The following PDPR variants were observed in gnomAD, a reference collection of about 807,000 sequenced individuals.
PDPR encodes the protein pyruvate dehydrogenase phosphatase regulatory subunit, also known as pyruvate dehydrogenase phosphatase regulatory subunit, mitochondrial.
A neutral mutation model predicts 102.2 loss-of-function variants in PDPR; 50 were observed. That is an observed-to-expected ratio of 0.49 (90% confidence interval 0.39 to 0.62). PDPR has a LOEUF of 0.62. PDPR is among the 20% of genes least tolerant of loss of function. The pLI is 0.00. For missense variants in PDPR, 625 were observed against 1,098.2 expected (o/e 0.57, Z 6.09); for synonymous variants, 259 against 406.0 (o/e 0.64, Z 4.35).
Position 70,130,454 on chromosome 16 carries a change from T to C in PDPR, c.639T>C (p.Leu213=). 1 of 1,613,814 alleles carries C rather than the reference T, an allele frequency of 6.2e-7. No homozygotes were observed. The highest frequency in any genetic ancestry group is 1.1e-5 in the South Asian group (1 of 91,048). The change falls in exon 7 of 19, where the codon CTT becomes CTC. Residue 213 remains leucine, a synonymous_variant. Coordinates refer to ENST00000288050, the MANE Select transcript of PDPR (RefSeq NM_017990.5). ...AGATCTATGACCGGACATCTGTTCT[T>C]CATGTAATGGTCAAAAAAGGTCAAG... ...GVQIYDRTSV[L]HVMVKKGQVT... is the part of the protein sequence containing the mutation.
intron 18 of PDPR, among the ~76,000 whole-genome samples, chr16:70,155,047 C>G (rs1307179458): frequency 1.3e-5 from 2 of 152,170 alleles, no homozygotes; most frequent in East Asian, 2.0e-4. Context: ...TAAAAATTAG[C>G]TGGGCATGGT....
At chr16:70,121,607 G>A (rs372597686) in intron 3 of PDPR, among the ~76,000 whole-genome samples, 29 of 152,100 alleles carry the variant, frequency 1.9e-4, no homozygotes, top group African/African-American at 6.3e-4. Flanking sequence ...CAGGAGAATC[G>A]CTTGAATCCG....
intron 2 of PDPR, among the ~76,000 whole-genome samples, chr16:70,116,932 G>A (rs559002340): frequency 6.6e-6 from 1 of 151,844 alleles, no homozygotes; most frequent in African/African-American, 2.4e-5. Context: ...TTAGGGGAAT[G>A]TGCTTAATGG....
rs59176444 is a variant in PDPR, at chr16:70,135,236, C to CTTTTTT, written c.998-948_998-943dup. ...CAGCTATTCCAATGCAGAACATTGC[C>CTTTTTT]TTTTTTTTTTTTTTTCCTGAGATGG... On this transcript the variant is annotated intron_variant, in intron 9 of 18. Coordinates refer to ENST00000288050, the MANE Select transcript of PDPR (RefSeq NM_017990.5). Among the ~76,000 whole-genome samples, 838 of 143,874 alleles carry CTTTTTT rather than the reference C, an allele frequency of 5.8e-3. 1 individual carries two copies. Among genetic ancestry groups the CTTTTTT allele is most frequent in the African/African-American group, 0.02 (787 of 38,528 alleles). 94.4% of individuals were successfully genotyped at this position (143,874 alleles called of 152,430 possible).
intron 9 of PDPR, among the ~76,000 whole-genome samples, 179 bp downstream of exon 9, chr16:70,132,479 G>C (rs1964636163): frequency 6.6e-6 from 1 of 152,250 alleles, no homozygotes. Flanking sequence ...AGCAGATTCA[G>C]GGGACTAAAA....
chr16:70,149,848 TGGC>T (rs1966566286), intron 17 of PDPR, among the ~76,000 whole-genome samples: 1 of 152,246 alleles, frequency 6.6e-6, no homozygotes, highest in Non-Finnish European at 1.5e-5. Context: ...TGGAGTGCAG[TGGC>T]GCAATCTCGG....
rs1158906963 is a variant in PDPR, at chr16:70,160,452, T to TCAC, written c.*3574_*3576dup. The TCAC allele has an allele frequency of 6.5e-6, 1 of 152,876 alleles. No individual in the cohort carries two copies. The highest frequency in any genetic ancestry group is 1.5e-5 in the Non-Finnish European group (1 of 68,558). 9.5% of individuals were successfully genotyped at this position (152,876 alleles called of 1,614,324 possible). On this transcript the variant is annotated 3_prime_UTR_variant, in exon 19 of 19. Transcript: ENST00000288050. ...AACTGCACAGTGACCACTGTATTTT[T>TCAC]CACGCTCTTCCAGGGATCCCTGTCC...
At chr16:70,122,868 C>CACACACACACACACA (rs1555520799) in intron 3 of PDPR, among the ~76,000 whole-genome samples, 8 of 149,794 alleles carry the variant, frequency 5.3e-5, no homozygotes, top group African/African-American at 7.5e-5. Context: ...CACACACACA[C>CACACACACACACACA]CAGTTTAGAC....
rs1329781039 is a variant in PDPR, at chr16:70,158,972, C to T, written c.*2093C>T. 2.6e-5 allele frequency: 4 copies of T among 152,344 alleles called. No individual in the cohort carries two copies. In the East Asian group the frequency reaches 7.7e-4, roughly 29 times the overall value. The allele number at this position is 152,344 out of a possible 1,614,324, so 9.4% of individuals were successfully genotyped here. A position where few individuals can be genotyped will look rare whatever the true frequency, so the allele number is the denominator to read the frequency against. ...CATAACTCTTCAACCTTAACTATGG[C>T]AATACATTTGTGCTTTAACTGTTAC... On this transcript the variant is annotated 3_prime_UTR_variant, in exon 19 of 19. Coordinates refer to ENST00000288050, the MANE Select transcript of PDPR (RefSeq NM_017990.5).
chr16:70,148,407 C>G, intron 16 of PDPR, 57 bp from the exon 17 acceptor site: 1 of 1,214,294 alleles, frequency 8.2e-7, no homozygotes, highest in Non-Finnish European at 1.2e-6. Flanking sequence ...CCCCAGGCGT[C>G]CCTCCCTTGA....
At chr16:70,150,847 A>G (rs1359849334) in intron 17 of PDPR, among the ~76,000 whole-genome samples, 8 of 152,228 alleles carry the variant, frequency 5.3e-5, no homozygotes, top group African/African-American at 1.9e-4. Context: ...TGGGATGATC[A>G]TAGCTCACTG....
At chr16:70,133,756 G>A (rs1422340551) in intron 9 of PDPR, among the ~76,000 whole-genome samples, 7 of 148,308 alleles carry the variant, frequency 4.7e-5, no homozygotes, top group African/African-American at 1.7e-4. Flanking sequence ...TTTTTGAGAT[G>A]GAGTTTCACT....
chr16:70,160,008 A>G lies in PDPR; in HGVS notation c.*3129A>G, dbSNP rs1238603438. ...TGGGTGCTTTTTTCTCTCTGCAATT[A>G]CCTGTCATAGCATTTTGTGCTCACC... is the stretch of plus-strand genomic sequence containing the variant. On this transcript the variant is annotated 3_prime_UTR_variant, in exon 19 of 19. Transcript: ENST00000288050. 6.5e-6 allele frequency: 1 copy of G among 153,082 alleles called. No homozygotes were observed. The highest frequency in any genetic ancestry group is 1.5e-5 in the Non-Finnish European group (1 of 68,714). 9.5% of individuals were successfully genotyped at this position (153,082 alleles called of 1,614,324 possible).
intron 11 of PDPR, among the ~76,000 whole-genome samples, chr16:70,139,232 TC>T (rs1276534537): frequency 6.6e-6 from 1 of 152,262 alleles, no homozygotes; most frequent in African/African-American, 2.4e-5. Flanking sequence ...GGACCTTGTT[TC>T]ATTCTGAGAA....
At chr16:70,121,497 G>A (rs1448261215) in intron 3 of PDPR, among the ~76,000 whole-genome samples, 4 of 151,716 alleles carry the variant, frequency 2.6e-5, no homozygotes, top group African/African-American at 4.8e-5. Flanking sequence ...TTCTAGACCA[G>A]CCTGGCCAAC....
In PDPR at chr16:70,120,695, A is replaced by T. The variant is rs777062807; in HGVS notation, c.203A>T (p.Asp68Val). ...AYHLSKMGWK[D>V]IVLLEQGRLA... ...CACCTCTCCAAAATGGGGTGGAAGG[A>T]TATTGTCCTTTTGGAGCAGGGCAGG... Residue 68 changes from aspartate to valine, a missense_variant, in exon 3 of 19, where the codon GAT (aspartate) becomes GTT (valine). Asp to Val is a radical substitution (Grantham distance 152). This residue lies in a region of PDPR where 84 missense variants were observed against 87.7 expected (regional missense o/e 0.96). Transcript: ENST00000288050. The T allele has an allele frequency of 6.2e-7, 1 of 1,612,836 alleles. No homozygotes were observed. Among genetic ancestry groups the T allele is most frequent in the South Asian group, 1.1e-5 (1 of 91,054 alleles).
In PDPR at chr16:70,128,883, A is replaced by G; in HGVS notation, c.443+18A>G. The G allele has an allele frequency of 6.2e-7, 1 of 1,612,838 alleles. No homozygotes were observed. The highest frequency in any genetic ancestry group is 1.1e-5 in the South Asian group (1 of 90,908). On this transcript the variant is annotated intron_variant, in intron 5 of 18. Coordinates refer to ENST00000288050, the MANE Select transcript of PDPR (RefSeq NM_017990.5). Reference sequence around the variant, plus strand: ...GGGCTGAAGTACGTAAGAGTCTAGAAGCGTGTCCTGACTTTACCACACTGG... The same window carrying G: ...GGGCTGAAGTACGTAAGAGTCTAGAGGCGTGTCCTGACTTTACCACACTGG...
chr16:70,143,536 T>A lies in PDPR; in HGVS notation c.1632T>A (p.Val544=). Residue 544 remains valine (V), a synonymous_variant, in exon 14 of 19, where the codon GTT becomes GTA. Coordinates refer to ENST00000288050, the MANE Select transcript of PDPR (RefSeq NM_017990.5). The part of the protein sequence containing the change: ...ITSTGDQALE[V]LQYLFSNDLD... The stretch of plus-strand genomic sequence containing the variant: ...CCACTGGGGATCAGGCATTAGAAGT[T>A]CTACAGTACCTCTTCTCCAATGACC... 1 of 1,613,700 alleles carries A rather than the reference T, an allele frequency of 6.2e-7. No homozygotes were observed. Among genetic ancestry groups the A allele is most frequent in the South Asian group, 1.1e-5 (1 of 91,064 alleles).
rs1249846353 is a variant in PDPR, at chr16:70,128,769, T to C, written c.362-15T>C. On this transcript the variant is annotated splice_polypyrimidine_tract_variant and intron_variant, in intron 4 of 18. Transcript: ENST00000288050. ...TTGGTCTGATCTGTCTCATTTGGGC[T>C]CATTTTTCTTACAGGTTACACAAGG... The C allele has an allele frequency of 6.2e-7, 1 of 1,613,378 alleles. No individual in the cohort carries two copies. Among genetic ancestry groups the C allele is most frequent in the Non-Finnish European group, 8.5e-7 (1 of 1,179,654 alleles).
Sources: allele counts gnomAD v4.1 joint callset (sites outside exome capture counted in the v4.1 genomes callset), GRCh38; gene constraint gnomAD v4.1.1; regional missense constraint gnomAD v4.1.1; transcripts MANE v1.5; gene names NCBI Gene and HGNC (gene_info 2026-07-23, HGNC 2026-07-21).